Variants in BBOF1 observed in about 807,000 individuals in gnomAD.
BBOF1 encodes the protein basal body-orientation factor 1.
Under a neutral mutation model 68.0 loss-of-function variants are expected in BBOF1, and 62 were observed. The ratio of observed to expected loss-of-function variants is 0.91; its 90% confidence interval spans 0.74 to 1.13. The LOEUF is 1.13. BBOF1 is among the 50% of genes most tolerant of loss of function. BBOF1 has a pLI of 0.00. For synonymous variants in BBOF1, 208 were observed against 198.8 expected, an observed-to-expected ratio of 1.05 and a Z score of -0.39; for missense variants, 534 against 600.1, an observed-to-expected ratio of 0.89 and a Z score of 1.15.
chr14:74,023,021 TGATACTTCACG>T lies in BBOF1; in HGVS notation c.169_179del (p.Ser57GlyfsTer4). 5 of 1,610,254 alleles carry T rather than the reference TGATACTTCACG, an allele frequency of 3.1e-6. No homozygotes were observed. The highest frequency in any genetic ancestry group is 3.4e-6 in the Non-Finnish European group (4 of 1,177,246). ...CAGAACTCTCTAGGATTAAGTATCG[TGATACTTCACG>T]GATACTGGCAAAAAGTAATGAGGAC... On this transcript the variant is annotated frameshift_variant, in exon 2 of 12. Coordinates refer to ENST00000394009, the MANE Select transcript of BBOF1 (RefSeq NM_025057.3). LOFTEE classifies it high-confidence loss of function.
downstream of BBOF1, chr14:74,066,157 A>G (rs1372615716): frequency 6.1e-6 from 1 of 163,280 alleles, no homozygotes; most frequent in African/African-American, 2.4e-5. Context: ...TGCAGTAGCC[A>G]TAAGCTAGGC....
chr14:74,019,748 T>G (rs2140919413), intron 1 of BBOF1, among the ~76,000 whole-genome samples: 1 of 152,358 alleles, frequency 6.6e-6, no homozygotes, highest in Non-Finnish European at 1.5e-5. Context: ...ATAAAGTAGT[T>G]CCTTGGGCCT....
chr14:74,028,427 G>T (rs1350315075), intron 2 of BBOF1, among the ~76,000 whole-genome samples: 3 of 148,444 alleles, frequency 2.0e-5, no homozygotes, highest in African/African-American at 7.5e-5. Context: ...GGGGTAAAAG[G>T]TCATCTTGAA....
At chr14:74,047,315 T>G (rs1302564449) in intron 6 of BBOF1, among the ~76,000 whole-genome samples, 3 of 152,082 alleles carry the variant, frequency 2.0e-5, no homozygotes, top group Non-Finnish European at 4.4e-5. Flanking sequence ...GTGTTGGAGT[T>G]TTTCACGTCT....
Position 74,049,823 on chromosome 14 carries a change from A to G in BBOF1, c.914A>G (p.Glu305Gly). Residue 305 changes from glutamate (E) to glycine (G), a missense_variant, in exon 8 of 12, where the codon GAG becomes GGG. Glu to Gly is a moderately conservative substitution (Grantham distance 98, BLOSUM62 -2). Transcript: ENST00000394009. The stretch of plus-strand genomic sequence containing the variant: ...ACTGCTCTGAGTTACATGACCAAAG[A>G]GTTTGAGAGTGAAGTTTTAAAACTG... ...LETALSYMTKEFESEVLKLQQ... is the reference protein window; with the variant it reads ...LETALSYMTKGFESEVLKLQQ... 1.2e-6 allele frequency: 2 copies of G among 1,614,192 alleles called. No homozygotes were observed. The highest frequency in any genetic ancestry group is 1.7e-6 in the Non-Finnish European group (2 of 1,180,054).
Position 74,050,072 on chromosome 14 carries a change from C to T in BBOF1, c.1163C>T (p.Ala388Val). The T allele has an allele frequency of 6.2e-7, 1 of 1,613,884 alleles. No homozygotes were observed. The highest frequency in any genetic ancestry group is 1.3e-5 in the African/African-American group (1 of 75,020). Residue 388 changes from alanine to valine, a missense_variant, in exon 8 of 12, where the codon GCT becomes GTT. Ala to Val is a moderately conservative substitution (Grantham distance 64). Transcript: ENST00000394009. The part of the protein sequence containing the change: ...RKHYKQIAQA[A>V]FNLKMRAACT... Reference sequence around the variant, plus strand: ...CATTATAAGCAGATAGCACAAGCTGCTTTCAATTTAAAAATGAGAGCAGCA... The same window carrying T: ...CATTATAAGCAGATAGCACAAGCTGTTTTCAATTTAAAAATGAGAGCAGCA...
At chr14:74,021,247 T>A (rs1358721315) in intron 1 of BBOF1, among the ~76,000 whole-genome samples, 1 of 152,152 alleles carries the variant, frequency 6.6e-6, no homozygotes, top group Non-Finnish European at 1.5e-5. Flanking sequence ...TTTGAATCCA[T>A]CCTTTTTCCT....
chr14:74,043,855 G>T (rs1368013721), intron 5 of BBOF1, among the ~76,000 whole-genome samples: 1 of 151,210 alleles, frequency 6.6e-6, no homozygotes, highest in Non-Finnish European at 1.5e-5. Flanking sequence ...TTTTTATATT[G>T]CTAGTCCCTC....
At chr14:74,071,451 C>T (rs764348544) in intron 9 of BBOF1, 3 of 1,614,136 alleles carry the variant, frequency 1.9e-6, no homozygotes, top group Non-Finnish European at 2.5e-6. Context: ...ATGGCATGGT[C>T]TCTCCCATCA....
At chr14:74,029,751 TAA>T (rs1466029488) in intron 3 of BBOF1, among the ~76,000 whole-genome samples, 1 of 152,110 alleles carries the variant, frequency 6.6e-6, no homozygotes, top group African/African-American at 2.4e-5. Context: ...CATATAATAT[TAA>T]GATTGCTTCC....
chr14:74,069,101 C>CTTTTTTTTTTTTTTTTTTTTTTTTTT (rs900873855), downstream of BBOF1: 1 of 383,114 alleles, frequency 2.6e-6, no homozygotes, highest in Non-Finnish European at 3.9e-6. Context: ...TTTACTTTTT[C>CTTTTTTTTTTTTTTTTTTTTTTTTTT]TTTTTTTTTT....
intron 3 of BBOF1, among the ~76,000 whole-genome samples, chr14:74,030,396 A>T (rs2059537473): frequency 6.6e-6 from 1 of 151,560 alleles, no homozygotes; most frequent in Non-Finnish European, 1.5e-5. Context: ...TTTTAATTTA[A>T]TTTTTTTAGA....
At chr14:74,058,607 T>TG (rs1292227079) in intron 11 of BBOF1, 1 of 151,836 alleles carries the variant, frequency 6.6e-6, no homozygotes, top group African/African-American at 2.4e-5. Flanking sequence ...TTTTTTTTTT[T>TG]TATCATACTT....
At chr14:74,071,531 C>A (rs1453219370) in intron 9 of BBOF1, 1 of 1,612,974 alleles carries the variant, frequency 6.2e-7, no homozygotes, top group South Asian at 1.1e-5. Flanking sequence ...CAGCTCTCCA[C>A]ACTGTGTACT....
chr14:74,072,658 TG>T, intron 9 of BBOF1: 1 of 1,597,580 alleles, frequency 6.3e-7, no homozygotes, highest in Non-Finnish European at 8.5e-7. Context: ...CATGAAACTT[TG>T]TATTAGCTAA....
chr14:74,046,153 C>T, intron 6 of BBOF1, 23 bp downstream of exon 6: 1 of 1,576,298 alleles, frequency 6.3e-7, no homozygotes, highest in South Asian at 1.2e-5. Flanking sequence ...TGCCTACTTT[C>T]TGACTCTGAT....
In BBOF1 at chr14:74,065,373, AT is replaced by A; in HGVS notation, c.*675del. 1.9e-6 allele frequency: 3 copies of A among 1,613,414 alleles called. No individual in the cohort carries two copies. In the South Asian group the frequency reaches 3.3e-5, roughly 18 times the overall value. ...AGGTCATATTTGGCTGCCAGGAGTG[AT>A]GCATCCAGAAAAGAAGTCAGCTTTT... is the stretch of plus-strand genomic sequence containing the variant. On this transcript the variant is annotated 3_prime_UTR_variant, in exon 12 of 12. Transcript: ENST00000394009.
At position 74,047,917 on chromosome 14, in the gene BBOF1, A is replaced by G. The variant is rs745407714; in HGVS notation, c.648-13A>G. ...AGTTAGACCTGTGTTTTGAGATCTT[A>G]TATCTATTTCAGGCAATTGAACGAT... is the stretch of plus-strand genomic sequence containing the variant. On this transcript the variant is annotated splice_polypyrimidine_tract_variant and intron_variant, in intron 6 of 11. Transcript: ENST00000394009. 6.3e-7 allele frequency: 1 copy of G among 1,586,962 alleles called. No individual in the cohort carries two copies. The highest frequency in any genetic ancestry group is 1.2e-5 in the South Asian group (1 of 85,650).
rs760557314 is a variant in BBOF1 at position 74,071,317 on chromosome 14, C to A, written n.1380-6879C>A. The A allele has an allele frequency of 1.9e-6, 3 of 1,614,152 alleles. No individual in the cohort carries two copies. The South Asian group carries it at 3.3e-5, about 18-fold the overall frequency. ...AGATGGTTTCATTAGGAAGGTATTT[C>A]CACACACCATGGCCATGGGAAACAT... On this transcript the variant is annotated intron_variant and non_coding_transcript_variant, in intron 9 of 12. Transcript: ENST00000492026.
Sources: gnomAD v4.1 joint callset for allele counts (sites outside exome capture counted in the v4.1 genomes callset) on GRCh38, gnomAD v4.1.1 for gene constraint, MANE v1.5 for transcripts, NCBI Gene and HGNC (gene_info 2026-07-23, HGNC 2026-07-21) for gene names.